PTPRD: variants seen among roughly 807,000 people sequenced by gnomAD.
The protein encoded by PTPRD is receptor-type tyrosine-protein phosphatase delta.
PTPRD carries 34 observed loss-of-function variants against 214.5 expected under a neutral mutation model. The observed-to-expected ratio is 0.16, with a 90% confidence interval of 0.12 to 0.21. The LOEUF (loss-of-function observed/expected upper bound fraction) is 0.21, where lower values mean the gene tolerates loss of function less well. Ranked by LOEUF, PTPRD falls within the 10% of genes least tolerant of loss-of-function variation. PTPRD has a pLI of 1.00. For missense variants in PTPRD, 2,545 were observed against 2,398.7 expected, an observed-to-expected ratio of 1.06 and a Z score of -1.27; for synonymous variants, 1,128 against 845.7, an observed-to-expected ratio of 1.33 and a Z score of -5.79.
chr9:9,786,444 A>T (rs998119292), intron 5 of PTPRD, among the ~76,000 whole-genome samples: 2 of 152,260 alleles, frequency 1.3e-5, no homozygotes, highest in African/African-American at 4.8e-5. Context: ...TCATATAAGC[A>T]TAAGAGTAAA....
chr9:9,153,288 T>C (rs1211838047), intron 10 of PTPRD, among the ~76,000 whole-genome samples: 1 of 152,160 alleles, frequency 6.6e-6, no homozygotes, highest in Admixed American at 6.6e-5. Context: ...AGACTGACTC[T>C]TTAGTTTTTA....
chr9:9,942,621 A>G (rs576134968), intron 4 of PTPRD, among the ~76,000 whole-genome samples: 1 of 152,176 alleles, frequency 6.6e-6, no homozygotes, highest in African/African-American at 2.4e-5. Context: ...AATCTACAAG[A>G]TTGCTTGGGT....
chr9:8,987,886 A>C, intron 11 of PTPRD, among the ~76,000 whole-genome samples: 1 of 152,164 alleles, frequency 6.6e-6, no homozygotes, highest in East Asian at 1.9e-4. Flanking sequence ...GGGAATCCTC[A>C]GTTTGAAGGC....
At chr9:9,952,616 G>A (rs866410510) in intron 4 of PTPRD, among the ~76,000 whole-genome samples, 4 of 152,088 alleles carry the variant, frequency 2.6e-5, no homozygotes, top group East Asian at 1.9e-4. Context: ...GAAGACCAGC[G>A]CTATTAACTA....
chr9:10,050,889 A>T (rs1235761292), intron 3 of PTPRD, among the ~76,000 whole-genome samples: 1 of 152,178 alleles, frequency 6.6e-6, no homozygotes, highest in Non-Finnish European at 1.5e-5. Flanking sequence ...AGAAAATTAC[A>T]TAAAATCAAA....
intron 4 of PTPRD, among the ~76,000 whole-genome samples, chr9:9,986,210 G>T (rs1588195354): frequency 6.6e-6 from 1 of 152,198 alleles, no homozygotes; most frequent in East Asian, 1.9e-4. Context: ...AATGCCGAAA[G>T]TTTTAAAATG....
At chr9:8,440,817 A>G (rs942297719) in intron 34 of PTPRD, among the ~76,000 whole-genome samples, 1 of 152,230 alleles carries the variant, frequency 6.6e-6, no homozygotes, top group African/African-American at 2.4e-5. Context: ...TATAAGAAGT[A>G]AACTTTAAAA....
chr9:9,362,072 C>A (rs189158449), intron 9 of PTPRD, among the ~76,000 whole-genome samples: 1 of 150,972 alleles, frequency 6.6e-6, no homozygotes, highest in Non-Finnish European at 1.5e-5. Context: ...AAAAAAAGAT[C>A]GAGTGGAATT....
At chr9:9,811,559 T>A (rs570448801) in intron 5 of PTPRD, among the ~76,000 whole-genome samples, 1 of 152,012 alleles carries the variant, frequency 6.6e-6, no homozygotes, top group African/African-American at 2.4e-5. Flanking sequence ...TATAAAAAAT[T>A]AGCCAGGTGT....
rs371340791 is a variant in PTPRD at position 10,534,571 on chromosome 9, T to C, written c.-600+77827A>G. Among the ~76,000 whole-genome samples, 15 of 152,212 alleles carry C rather than the reference T, an allele frequency of 9.9e-5. No individual in the cohort carries two copies. The South Asian group carries it at 2.3e-3, about 23-fold the overall frequency. ...GTGATTAAAATTATTCAGAAGCATTTAGATAGGAATTTCACAATGGAAACA... is the reference window on the plus strand; with the variant it reads ...GTGATTAAAATTATTCAGAAGCATTCAGATAGGAATTTCACAATGGAAACA... On this transcript the variant is annotated intron_variant, in intron 2 of 45. Transcript: ENST00000381196.
At chr9:8,741,566 C>CTTTTTTTTTTTTTTTTTT (rs66547770) in intron 11 of PTPRD, among the ~76,000 whole-genome samples, 3 of 70,632 alleles carry the variant, frequency 4.2e-5, no homozygotes, top group East Asian at 4.8e-4. Context: ...TCAGGCATTT[C>CTTTTTTTTTTTTTTTTTT]TTTTTTTTTT....
chr9:8,363,379 A>G (rs1283573256), intron 39 of PTPRD, among the ~76,000 whole-genome samples: 1 of 152,212 alleles, frequency 6.6e-6, no homozygotes. Context: ...AATCACAGAA[A>G]AAGGCACTCC....
chr9:8,688,897 T>C (rs566793558), intron 12 of PTPRD, among the ~76,000 whole-genome samples: 70 of 152,314 alleles, frequency 4.6e-4, no homozygotes, highest in Non-Finnish European at 6.3e-4. Flanking sequence ...ACTTTATCAC[T>C]CTAAACATCT....
chr9:10,362,645 G>A (rs976892274), intron 2 of PTPRD, among the ~76,000 whole-genome samples: 4 of 152,132 alleles, frequency 2.6e-5, no homozygotes, highest in Non-Finnish European at 4.4e-5. Context: ...ACTTTGGGAG[G>A]CCGAGGCTGG....
intron 11 of PTPRD, among the ~76,000 whole-genome samples, chr9:8,816,483 C>T (rs1012003674): frequency 1.3e-5 from 2 of 152,236 alleles, no homozygotes; most frequent in South Asian, 4.1e-4. Flanking sequence ...CTAGCAGTAT[C>T]GTTACAGGGC....
intron 3 of PTPRD, among the ~76,000 whole-genome samples, chr9:10,117,393 A>C (rs1040241386): frequency 6.6e-6 from 1 of 152,098 alleles, no homozygotes; most frequent in African/African-American, 2.4e-5. Context: ...ACATTACCAA[A>C]TACTTGGTGG....
intron 30 of PTPRD, among the ~76,000 whole-genome samples, chr9:8,479,705 C>T (rs1026554320): frequency 6.6e-6 from 1 of 152,120 alleles, no homozygotes; most frequent in African/African-American, 2.4e-5. Context: ...TGGTGAACAG[C>T]CTCTAAAAGG....
intron 2 of PTPRD, among the ~76,000 whole-genome samples, chr9:10,538,583 T>A (rs1271386803): frequency 6.6e-6 from 1 of 152,124 alleles, no homozygotes; most frequent in Non-Finnish European, 1.5e-5. Context: ...TTTCTGACTG[T>A]GCTATAAATT....
At chr9:9,288,177 T>A (rs2133956689) in intron 9 of PTPRD, among the ~76,000 whole-genome samples, 1 of 152,026 alleles carries the variant, frequency 6.6e-6, no homozygotes, top group South Asian at 2.1e-4. Flanking sequence ...TATAAAGATT[T>A]TTTCTTCATT....
Sources: allele counts gnomAD v4.1 joint callset (sites outside exome capture counted in the v4.1 genomes callset), GRCh38; gene constraint gnomAD v4.1.1; transcripts MANE v1.5; gene names NCBI Gene and HGNC (gene_info 2026-07-23, HGNC 2026-07-21).